The following ANO10 variants were observed in gnomAD, a reference collection of about 807,000 sequenced individuals.
ANO10 encodes the protein anoctamin-10.
In ANO10, 77 loss-of-function variants were observed where a neutral mutation model predicts 74.7. That is an observed-to-expected ratio of 1.03 (90% CI 0.86 to 1.25). The LOEUF (loss-of-function observed/expected upper bound fraction) is 1.25. Among genes scored for constraint, ANO10 ranks in the 50% most tolerant of loss-of-function variants. The pLI, the probability that ANO10 is intolerant of heterozygous loss-of-function variation, is 0.00. For missense variants in ANO10, 721 were observed against 778.1 expected (o/e 0.93, Z 0.87); for synonymous variants, 279 against 284.9 (o/e 0.98, Z 0.21).
Position 43,561,257 on chromosome 3 carries a change from T to C in ANO10, c.1439A>G (p.Glu480Gly). The change falls in exon 9 of 13, where the codon GAA becomes GGA. Residue 480 changes from glutamate to glycine, a missense_variant. Physicochemically the swap from Glu to Gly is moderately conservative, Grantham distance 98 (BLOSUM62 -2). Transcript: ENST00000292246. Reference protein sequence around the residue: ...LKADIDATLYEQVILEKEMGT... With the variant: ...LKADIDATLYGQVILEKEMGT... ...CATTTCTTTTTCCAGGATGACTTGT[T>C]CATATAATGTAGCATCAATGTCTGC... The C allele has an allele frequency of 6.2e-7, 1 of 1,614,194 alleles. No individual in the cohort carries two copies. The highest frequency in any genetic ancestry group is 1.1e-5 in the South Asian group (1 of 91,086).
intron 6 of ANO10, among the ~76,000 whole-genome samples, chr3:43,575,310 G>C (rs1182113476): frequency 6.6e-6 from 1 of 152,138 alleles, no homozygotes; most frequent in Admixed American, 6.5e-5. Context: ...TCTTCACCTA[G>C]AAAAGGTAAT....
At chr3:43,423,437 C>T (rs2092850296) in intron 12 of ANO10, among the ~76,000 whole-genome samples, 1 of 152,206 alleles carries the variant, frequency 6.6e-6, no homozygotes. Context: ...GTGAGTGAGT[C>T]ATCACCTGGC....
intron 4 of ANO10, among the ~76,000 whole-genome samples, chr3:43,585,687 C>A (rs757500109): frequency 6.6e-5 from 10 of 152,138 alleles, no homozygotes; most frequent in Non-Finnish European, 8.8e-5. Context: ...AAGGGAGAAA[C>A]AGAATGCTTA....
chr3:43,490,151 T>C (rs1391512081), intron 11 of ANO10, among the ~76,000 whole-genome samples: 1 of 152,234 alleles, frequency 6.6e-6, no homozygotes, highest in Admixed American at 6.5e-5. Flanking sequence ...ACTCAGCTTA[T>C]AGGAGACAGG....
intron 10 of ANO10, chr3:43,551,554 C>T (rs1239419389): frequency 1.1e-5 from 5 of 457,190 alleles, no homozygotes; most frequent in Non-Finnish European, 1.8e-5. Context: ...GCAATTCAGC[C>T]CTCTCTTTAC....
At chr3:43,626,410 T>C (rs1319678422), upstream of ANO10, among the ~76,000 whole-genome samples, 1 of 151,780 alleles carries the variant, frequency 6.6e-6, no homozygotes, top group African/African-American at 2.4e-5. Flanking sequence ...TTCTCATGCA[T>C]GCCTCAGCCT....
intron 11 of ANO10, among the ~76,000 whole-genome samples, chr3:43,546,280 C>T (rs1038432494): frequency 6.6e-6 from 1 of 152,112 alleles, no homozygotes; most frequent in Non-Finnish European, 1.5e-5. Flanking sequence ...GACATAAATA[C>T]ACACTGAAAC....
chr3:43,567,774 A>T (rs900653335), intron 7 of ANO10, among the ~76,000 whole-genome samples: 1 of 152,148 alleles, frequency 6.6e-6, no homozygotes, highest in East Asian at 1.9e-4. Context: ...AACTGCATCA[A>T]CTAACGAGCA....
chr3:43,685,201 T>A (rs1215281279), intron 1 of ANO10, among the ~76,000 whole-genome samples: 1 of 152,218 alleles, frequency 6.6e-6, no homozygotes, highest in Non-Finnish European at 1.5e-5. Flanking sequence ...TCTAGTGACA[T>A]CTTCTTTTCC....
chr3:43,646,024 T>C (rs115687142), intron 1 of ANO10, among the ~76,000 whole-genome samples: 3,757 of 151,998 alleles, frequency 0.025, 79 homozygotes, highest in Admixed American at 0.035. Context: ...CCCAGGCTGG[T>C]CTCAAACTCC....
intron 12 of ANO10, among the ~76,000 whole-genome samples, chr3:43,425,662 T>C (rs185892623): frequency 6.6e-6 from 1 of 152,142 alleles, no homozygotes; most frequent in African/African-American, 2.4e-5. Context: ...CATTAGACTG[T>C]CAAAACAGAC....
intron 11 of ANO10, among the ~76,000 whole-genome samples, chr3:43,440,510 A>G (rs2093143692): frequency 2.6e-5 from 4 of 152,018 alleles, no homozygotes; most frequent in Non-Finnish European, 5.9e-5. Flanking sequence ...AGATATAACA[A>G]TTATAATTGT....
chr3:43,375,856 AT>A (rs1223360542), intron 12 of ANO10, among the ~76,000 whole-genome samples: 7 of 152,310 alleles, frequency 4.6e-5, no homozygotes, highest in South Asian at 2.1e-4. Context: ...GCCATATAAT[AT>A]TTTTTGTTTG....
In ANO10 at chr3:43,631,041, G is replaced by C. The variant is rs1406596293; in HGVS notation, c.-11-25178C>G. On this transcript the variant is annotated intron_variant, in intron 1 of 3. Transcript: ENST00000413397. ...TGACTGATGGTTCAAGACTGAGTGA[G>C]TGAATTGTTTTAGTCTTTACTTCTC... 3.3e-5 allele frequency among the ~76,000 whole-genome samples: 5 copies of C among 152,336 alleles called. No individual in the cohort carries two copies. The East Asian group carries it at 9.6e-4, about 29-fold the overall frequency.
At chr3:43,634,598 C>A (rs576317431) in intron 1 of ANO10, among the ~76,000 whole-genome samples, 2 of 152,248 alleles carry the variant, frequency 1.3e-5, no homozygotes, top group African/African-American at 4.8e-5. Context: ...AATATTAAGG[C>A]AGGTGCAAAA....
intron 11 of ANO10, among the ~76,000 whole-genome samples, chr3:43,509,812 G>A (rs1273545630): frequency 6.6e-6 from 1 of 152,114 alleles, no homozygotes; most frequent in South Asian, 2.1e-4. Flanking sequence ...TCCTTCAGTG[G>A]GTGAATGTTT....
At chr3:43,437,952 G>C (rs1022144708) in intron 11 of ANO10, among the ~76,000 whole-genome samples, 1 of 150,916 alleles carries the variant, frequency 6.6e-6, no homozygotes, top group African/African-American at 2.4e-5. Flanking sequence ...AAGAAATGAA[G>C]ATCTGTGAAT....
chr3:43,485,462 G>A (rs1395178014), intron 11 of ANO10, among the ~76,000 whole-genome samples: 2 of 152,068 alleles, frequency 1.3e-5, no homozygotes, highest in African/African-American at 2.4e-5. Context: ...GTTCTCTTCC[G>A]TGACCCACGA....
At chr3:43,368,783 G>C (rs2091500039) in intron 12 of ANO10, among the ~76,000 whole-genome samples, 1 of 151,832 alleles carries the variant, frequency 6.6e-6, no homozygotes, top group Admixed American at 6.6e-5. Context: ...CTGGGCTCAA[G>C]GGATCCTCCT....
Sources: gnomAD v4.1 joint callset for allele counts (sites outside exome capture counted in the v4.1 genomes callset) on GRCh38, gnomAD v4.1.1 for gene constraint, MANE v1.5 for transcripts, NCBI Gene and HGNC (gene_info 2026-07-23, HGNC 2026-07-21) for gene names.